Variants in METTL15 observed in about 807,000 individuals in gnomAD.
The protein encoded by METTL15 is methyltransferase 15, mitochondrial 12S rRNA N4-cytidine.
METTL15 carries 34 observed loss-of-function variants against 38.3 expected under a neutral mutation model. The ratio of observed to expected loss-of-function variants is 0.89; its 90% CI spans 0.68 to 1.18. METTL15 has a LOEUF of 1.18. Ranked by LOEUF, METTL15 falls within the 50% of genes most tolerant of loss-of-function variation. The pLI, the probability that METTL15 is intolerant of heterozygous loss-of-function variation, is 0.00. For synonymous variants in METTL15, 162 were observed against 170.9 expected (o/e 0.95, Z 0.41); for missense variants, 438 against 498.4 (o/e 0.88, Z 1.15).
At chr11:28,490,802 G>A (rs559602097) in intron 6 of METTL15, among the ~76,000 whole-genome samples, 46 of 152,172 alleles carry the variant, frequency 3.0e-4, no homozygotes, top group Admixed American at 3.0e-3. Context: ...AAATAGCTAG[G>A]CTAAAAAGGC....
intron 3 of METTL15, among the ~76,000 whole-genome samples, chr11:28,132,762 A>G (rs1443483145): frequency 2.0e-5 from 3 of 152,122 alleles, no homozygotes; most frequent in Non-Finnish European, 2.9e-5. Context: ...TTTTGTTTTC[A>G]TTACCACAGA....
At chr11:28,440,563 T>A (rs1360483700) in intron 6 of METTL15, among the ~76,000 whole-genome samples, 1 of 152,228 alleles carries the variant, frequency 6.6e-6, no homozygotes, top group African/African-American at 2.4e-5. Flanking sequence ...ATTAACCTTA[T>A]TAAGACTATT....
intron 5 of METTL15, among the ~76,000 whole-genome samples, chr11:28,381,854 G>A (rs1354407811): frequency 6.6e-6 from 1 of 151,666 alleles, no homozygotes; most frequent in Non-Finnish European, 1.5e-5. Flanking sequence ...TCTCATTAGG[G>A]CCAATCACTG....
intron 5 of METTL15, among the ~76,000 whole-genome samples, chr11:28,363,610 C>T (rs1293774226): frequency 6.6e-6 from 1 of 152,134 alleles, no homozygotes; most frequent in Non-Finnish European, 1.5e-5. Flanking sequence ...GCATAGTTTG[C>T]AAATATTTTC....
rs988099056 is a variant in METTL15 at position 28,363,378 on chromosome 11, T to C, written c.*358+1342T>C. The stretch of plus-strand genomic sequence containing the variant: ...TTAGTAGAGACAGCATTTCACCATG[T>C]TTGCCAGGCTGGTCTTGAACTCCCG... On this transcript the variant is annotated intron_variant and NMD_transcript_variant, in intron 5 of 7. Transcript: ENST00000532947. 1.4e-4 allele frequency among the ~76,000 whole-genome samples: 21 copies of C among 152,090 alleles called. 1 individual carries two copies. The highest frequency in any genetic ancestry group is 7.9e-4 in the Admixed American group (12 of 15,270).
At chr11:28,160,054 G>A (rs1300292487) in intron 3 of METTL15, among the ~76,000 whole-genome samples, 2 of 152,042 alleles carry the variant, frequency 1.3e-5, no homozygotes, top group Non-Finnish European at 2.9e-5. Flanking sequence ...TCAGCTGCCA[G>A]CATGGCTAGA....
intron 6 of METTL15, among the ~76,000 whole-genome samples, chr11:28,305,674 C>T (rs533885390): frequency 6.6e-6 from 1 of 152,098 alleles, no homozygotes; most frequent in African/African-American, 2.4e-5. Context: ...ATGTCCCATA[C>T]TCCCAGCACT....
At chr11:28,378,802 A>G (rs1850351008) in intron 5 of METTL15, among the ~76,000 whole-genome samples, 2 of 133,970 alleles carry the variant, frequency 1.5e-5, no homozygotes, top group African/African-American at 2.7e-5. Context: ...TAGAATTAGT[A>G]TAGTCTTCTT....
At chr11:28,283,077 A>G (rs1856116691) in intron 4 of METTL15, among the ~76,000 whole-genome samples, 1 of 152,150 alleles carries the variant, frequency 6.6e-6, no homozygotes. Flanking sequence ...AAAGATGTAT[A>G]ATTACTTAAA....
intron 4 of METTL15, among the ~76,000 whole-genome samples, chr11:28,212,039 A>G (rs1590166074): frequency 6.6e-6 from 1 of 152,092 alleles, no homozygotes; most frequent in African/African-American, 2.4e-5. Context: ...TTCAACAACA[A>G]AATGGTCTCT....
chr11:28,270,278 A>G (rs1855591041), intron 4 of METTL15, among the ~76,000 whole-genome samples: 1 of 152,156 alleles, frequency 6.6e-6, no homozygotes, highest in Non-Finnish European at 1.5e-5. Flanking sequence ...TATAGTTATC[A>G]TGGACAACAT....
In METTL15 at chr11:28,290,320, C is replaced by T. The variant is rs1018820566; in HGVS notation, c.522C>T (p.Ser174=). The T allele has an allele frequency of 3.7e-6, 6 of 1,613,440 alleles. No individual in the cohort carries two copies. The African/African-American group carries it at 6.7e-5, about 18-fold the overall frequency. The change falls in exon 5 of 7, where the codon TCC becomes TCT. Residue 174 remains serine, a synonymous_variant. Transcript: ENST00000407364. The part of the protein sequence containing the change: ...DGVLMDLGCS[S]MQLDTPERGF... ...TTCTTATGGATCTTGGGTGTTCCTCCATGCAACTTGATACTCCTGAAAGAG... is the reference window on the plus strand; with the variant it reads ...TTCTTATGGATCTTGGGTGTTCCTCTATGCAACTTGATACTCCTGAAAGAG...
chr11:28,190,453 T>A (rs1851660630), intron 3 of METTL15, among the ~76,000 whole-genome samples: 1 of 151,242 alleles, frequency 6.6e-6, no homozygotes, highest in East Asian at 1.9e-4. Flanking sequence ...CTATTAAGAG[T>A]GCAAAGAAGA....
intron 6 of METTL15, among the ~76,000 whole-genome samples, chr11:28,442,169 C>T (rs749374375): frequency 2.0e-5 from 3 of 152,168 alleles, no homozygotes; most frequent in Non-Finnish European, 4.4e-5. Context: ...GACAGTTCCT[C>T]AAGTTACAAG....
intron 6 of METTL15, among the ~76,000 whole-genome samples, chr11:28,313,512 CTT>C (rs1857377238): frequency 6.6e-6 from 1 of 150,856 alleles, no homozygotes; most frequent in South Asian, 2.1e-4. Context: ...ATAAAAGTAT[CTT>C]TGTTTATATG....
chr11:28,499,805 C>A (rs1204419518), intron 6 of METTL15, among the ~76,000 whole-genome samples: 2 of 152,126 alleles, frequency 1.3e-5, no homozygotes, highest in African/African-American at 4.8e-5. Context: ...TTGGGTGGCT[C>A]AAACCCAGGG....
At chr11:28,264,041 C>T (rs1293734664) in intron 4 of METTL15, among the ~76,000 whole-genome samples, 1 of 152,114 alleles carries the variant, frequency 6.6e-6, no homozygotes, top group Non-Finnish European at 1.5e-5. Flanking sequence ...TGTTTAACCA[C>T]ATAGAACCTT....
At chr11:28,228,224 G>A (rs920170054) in intron 4 of METTL15, among the ~76,000 whole-genome samples, 1 of 151,710 alleles carries the variant, frequency 6.6e-6, no homozygotes, top group Non-Finnish European at 1.5e-5. Flanking sequence ...TCTACCTCAA[G>A]GCTTATCTGC....
At chr11:28,141,674 T>G (rs1222171695) in intron 3 of METTL15, among the ~76,000 whole-genome samples, 2 of 152,028 alleles carry the variant, frequency 1.3e-5, no homozygotes, top group African/African-American at 4.8e-5. Flanking sequence ...GTTAACACAC[T>G]GAAACCCTGT....
Sources: allele counts gnomAD v4.1 joint callset (sites outside exome capture counted in the v4.1 genomes callset), GRCh38; gene constraint gnomAD v4.1.1; transcripts MANE v1.5; gene names NCBI Gene and HGNC (gene_info 2026-07-23, HGNC 2026-07-21).